ADGRG5: variants seen among roughly 807,000 people sequenced by gnomAD.
ADGRG5 encodes G protein-coupled receptor 114.
A neutral mutation model predicts 53.2 loss-of-function variants in ADGRG5; 37 were observed. The ratio of observed to expected loss-of-function variants is 0.70; its 90% CI spans 0.53 to 0.91. ADGRG5 has a LOEUF of 0.91. ADGRG5 is among the 40% of genes least tolerant of loss of function. The pLI is 0.00. For synonymous variants in ADGRG5, 277 were observed against 290.4 expected (o/e 0.95, Z 0.47); for missense variants, 614 against 675.8 (o/e 0.91, Z 1.01).
At chr16:57,533,291 G>C in the ADGRG5 span, among the ~76,000 whole-genome samples, 2 of 152,066 alleles carry the variant, frequency 1.3e-5, no homozygotes, top group African/African-American at 4.8e-5. Flanking sequence ...GAAGGGGTGG[G>C]GGTCGGGGTC....
rs1418203233 is a variant in ADGRG5, at chr16:57,574,257, G to A, written c.1209-558G>A. On this transcript the variant is annotated intron_variant, in intron 10 of 11. Coordinates refer to ENST00000349457, the MANE Select transcript of ADGRG5 (RefSeq NM_001304376.3). This position sits in a 1 kb window ranked among gnomAD's most constrained non-coding sequence, Gnocchi z 4.4. ...CTCCTGCGGCTCTGTGTGCTCTCAG[G>A]TTGACACTTGGAGGGTCCCTGTCCA... Among the ~76,000 whole-genome samples the A allele has an allele frequency of 1.3e-5, 2 of 152,182 alleles. No individual in the cohort carries two copies. Among genetic ancestry groups the A allele is most frequent in the African/African-American group, 4.8e-5 (2 of 41,444 alleles).
At chr16:57,555,152 G>A (rs1396771940) in intron 1 of ADGRG5, among the ~76,000 whole-genome samples, 1 of 152,128 alleles carries the variant, frequency 6.6e-6, no homozygotes, top group Non-Finnish European at 1.5e-5. Flanking sequence ...TGCGTAATTA[G>A]GAGAGTGTTC....
the ADGRG5 span, chr16:57,529,215 C>T: frequency 8.7e-7 from 1 of 1,155,368 alleles, no homozygotes; most frequent in Non-Finnish European, 1.1e-6. This position sits in a 1 kb window ranked among gnomAD's most constrained non-coding sequence, Gnocchi z 4.1. Context: ...AACTCGCGGT[C>T]GGGCTCAGGG....
At position 57,560,055 on chromosome 16, in the gene ADGRG5, A is replaced by G. The variant is rs191234942; in HGVS notation, c.-38-2001A>G. ...ACAATTTTTCTAGATGTTCAAACCT[A>G]TTCGATAGTCTATCTACTCTCCTTT... is the stretch of plus-strand genomic sequence containing the variant. On this transcript the variant is annotated intron_variant, in intron 1 of 11. Coordinates refer to ENST00000349457, the MANE Select transcript of ADGRG5 (RefSeq NM_001304376.3). Among the ~76,000 whole-genome samples the G allele has an allele frequency of 2.6e-4, 40 of 152,324 alleles. No homozygotes were observed. The East Asian group carries it at 7.1e-3, about 27-fold the overall frequency.
chr16:57,538,251 T>C (rs1323037792), upstream of ADGRG5, among the ~76,000 whole-genome samples: 15 of 152,142 alleles, frequency 9.9e-5, no homozygotes, highest in Admixed American at 3.9e-4. Context: ...CATGATGTTA[T>C]CTTAGTTACC....
chr16:57,567,811 T>C (rs1015222845), intron 8 of ADGRG5, 45 bp from the exon 9 acceptor site: 4 of 1,580,982 alleles, frequency 2.5e-6, no homozygotes, highest in Non-Finnish European at 3.4e-6. Context: ...TAGTGCTGCC[T>C]GGGTGATGTC....
intron 1 of ADGRG5, among the ~76,000 whole-genome samples, chr16:57,548,959 C>T (rs1481717281): frequency 1.3e-5 from 2 of 152,044 alleles, no homozygotes; most frequent in Non-Finnish European, 2.9e-5. Flanking sequence ...GGGATAAAAG[C>T]CCAAGAGTGC....
chr16:57,547,722 C>G (rs2032652879), intron 1 of ADGRG5, among the ~76,000 whole-genome samples: 1 of 152,180 alleles, frequency 6.6e-6, no homozygotes, highest in South Asian at 2.1e-4. Context: ...GCTGGGATTA[C>G]AGGCGTGAGC....
At chr16:57,538,810 C>A (rs1286308414), upstream of ADGRG5, among the ~76,000 whole-genome samples, 2 of 152,210 alleles carry the variant, frequency 1.3e-5, no homozygotes, top group Non-Finnish European at 2.9e-5. Context: ...AACACATGCC[C>A]TTATTTACCT....
chr16:57,551,039 A>C (rs937166090), intron 1 of ADGRG5, among the ~76,000 whole-genome samples: 1 of 152,220 alleles, frequency 6.6e-6, no homozygotes, highest in Non-Finnish European at 1.5e-5. Context: ...CTCACACATG[A>C]AAAAAGTTAT....
chr16:57,558,405 C>T lies in ADGRG5; in HGVS notation c.-38-3651C>T, dbSNP rs147898892. ...AGGAATTTTCCCAGTGTCCCCACTC[C>T]GCGCTCAGCATTGCATGCATGCAAC... On this transcript the variant is annotated intron_variant, in intron 1 of 11. Transcript: ENST00000349457. 4.2e-3 allele frequency among the ~76,000 whole-genome samples: 640 copies of T among 152,340 alleles called. 3 individuals are homozygous for T. Among genetic ancestry groups the T allele is most frequent in the Non-Finnish European group, 6.9e-3 (467 of 68,030 alleles).
intron 9 of ADGRG5, among the ~76,000 whole-genome samples, chr16:57,569,899 A>G (rs1195053692): frequency 6.9e-6 from 1 of 145,596 alleles, no homozygotes; most frequent in Non-Finnish European, 1.5e-5. Flanking sequence ...CATCTCCTCC[A>G]CCTGCACTAT....
At chr16:57,564,908 G>A in intron 5 of ADGRG5, 126 bp from the exon 6 acceptor site, 2 of 658,500 alleles carry the variant, frequency 3.0e-6, no homozygotes, top group South Asian at 3.7e-5. Flanking sequence ...GGGAGGCTGA[G>A]AAAGCTTTCA....
the ADGRG5 span, among the ~76,000 whole-genome samples, chr16:57,532,353 C>G: frequency 6.6e-6 from 1 of 152,174 alleles, no homozygotes; most frequent in African/African-American, 2.4e-5. Context: ...CCATACAGAT[C>G]CAGGCTCTGG....
chr16:57,546,070 C>T (rs1421329516), intron 1 of ADGRG5, among the ~76,000 whole-genome samples: 1 of 152,172 alleles, frequency 6.6e-6, no homozygotes, highest in Admixed American at 6.5e-5. Flanking sequence ...AGGTGAGCCT[C>T]CTGCCTCGGC....
intron 1 of ADGRG5, among the ~76,000 whole-genome samples, chr16:57,551,011 G>A (rs2146764866): frequency 6.6e-6 from 1 of 152,012 alleles, no homozygotes; most frequent in Non-Finnish European, 1.5e-5. Flanking sequence ...TCCAGCCTGG[G>A]CAACAGAGCG....
chr16:57,571,041 A>G (rs1164069889), intron 10 of ADGRG5, among the ~76,000 whole-genome samples: 3 of 151,718 alleles, frequency 2.0e-5, no homozygotes, highest in Admixed American at 2.0e-4. Context: ...GGGCCGGGGG[A>G]CACGCTGCTG....
At chr16:57,544,714 GT>G (rs2032574856) in intron 1 of ADGRG5, among the ~76,000 whole-genome samples, 1 of 152,146 alleles carries the variant, frequency 6.6e-6, no homozygotes, top group Admixed American at 6.5e-5. Flanking sequence ...CTGGGCCTGA[GT>G]TATCTCTCCT....
the ADGRG5 span, among the ~76,000 whole-genome samples, chr16:57,532,886 G>A: frequency 6.6e-6 from 1 of 152,306 alleles, no homozygotes; most frequent in South Asian, 2.1e-4. Flanking sequence ...TGCTGGGTAT[G>A]GGGGCCCGGG....
Sources: allele counts gnomAD v4.1 joint callset (sites outside exome capture counted in the v4.1 genomes callset), GRCh38; gene constraint gnomAD v4.1.1; non-coding constraint Gnocchi (gnomAD v3.1); transcripts MANE v1.5; gene names NCBI Gene and HGNC (gene_info 2026-07-23, HGNC 2026-07-21).